LMNB1: variants seen among roughly 807,000 people sequenced by gnomAD.
LMNB1 encodes the protein lamin-B1.
In LMNB1, 23 loss-of-function variants were observed where a neutral mutation model predicts 67.1. The ratio of observed to expected loss-of-function variants is 0.34; its 90% CI spans 0.25 to 0.49. The LOEUF is 0.49. Ranked by LOEUF, LMNB1 falls within the 20% of genes least tolerant of loss-of-function variation. The probability of loss-of-function intolerance (pLI) is 0.99; values close to 1 mark genes in which losing one functional copy is unlikely to be tolerated. For synonymous variants in LMNB1, 281 were observed against 282.9 expected (o/e 0.99, Z 0.07); for missense variants, 634 against 746.5 (o/e 0.85, Z 1.76).
intron 1 of LMNB1, among the ~76,000 whole-genome samples, chr5:126,789,619 A>G (rs532340399): frequency 1.3e-3 from 203 of 152,232 alleles, no homozygotes; most frequent in Non-Finnish European, 2.4e-3. Context: ...GAAATCCTTT[A>G]TTCAGTCCCG....
chr5:126,811,675 C>A, intron 4 of LMNB1, 98 bp from the exon 5 acceptor site: 1 of 1,104,400 alleles, frequency 9.1e-7, no homozygotes, highest in Non-Finnish European at 1.3e-6. Context: ...CTACCAGTTA[C>A]CAGCAGGACT....
chr5:126,834,899 A>G (rs1390280186), intron 10 of LMNB1, among the ~76,000 whole-genome samples: 2 of 152,262 alleles, frequency 1.3e-5, no homozygotes, highest in East Asian at 3.9e-4. Context: ...TAATGCACCA[A>G]CTATATCCGC....
intron 7 of LMNB1, among the ~76,000 whole-genome samples, chr5:126,822,066 T>C (rs1391491630): frequency 6.7e-6 from 1 of 149,720 alleles, no homozygotes; most frequent in Non-Finnish European, 1.5e-5. Flanking sequence ...TGCAGTGGCA[T>C]GATCTTGGCT....
chr5:126,814,471 G>A (rs1036631058), intron 5 of LMNB1, among the ~76,000 whole-genome samples: 3 of 151,620 alleles, frequency 2.0e-5, no homozygotes, highest in African/African-American at 7.3e-5. Context: ...CTGAAACTTA[G>A]TAGCTATGTG....
At chr5:126,792,567 A>AC (rs1750988862) in intron 1 of LMNB1, among the ~76,000 whole-genome samples, 1 of 99,154 alleles carries the variant, frequency 1.0e-5, no homozygotes, top group Admixed American at 1.1e-4. Context: ...AGCACTAGGG[A>AC]TTTTTTTTTT....
At chr5:126,827,030 CCTTTTCACCCAGTTTCCAGGCTGGCAGG>C (rs1355434393) in intron 9 of LMNB1, among the ~76,000 whole-genome samples, 6 of 152,294 alleles carry the variant, frequency 3.9e-5, no homozygotes, top group Non-Finnish European at 2.9e-5. Context: ...CTGATTCTGA[CCTTTTCACCCAGTTTCCAGGCTGGCAGG>C]CTCTGCTGTT....
rs1751008639 is a variant in LMNB1, at chr5:126,793,189, G to C, written c.360-11587G>C. ...TATTTTACACCCAGGTCAGTGCCTA[G>C]CACATTGTAGATGAGTGACAAAGGT... On this transcript the variant is annotated intron_variant, in intron 1 of 10. Transcript: ENST00000261366. 1.3e-5 allele frequency among the ~76,000 whole-genome samples: 2 copies of C among 152,188 alleles called. 1 individual carries two copies. The highest frequency in any genetic ancestry group is 4.1e-4 in the South Asian group (2 of 4,828).
At chr5:126,798,745 T>C (rs1274002133) in intron 1 of LMNB1, among the ~76,000 whole-genome samples, 1 of 141,614 alleles carries the variant, frequency 7.1e-6, no homozygotes, top group African/African-American at 2.6e-5. Context: ...ACATTTTACA[T>C]AGGATGAAAA....
chr5:126,821,188 C>G (rs948326373), intron 7 of LMNB1, 53 bp downstream of exon 7: 2 of 1,180,066 alleles, frequency 1.7e-6, no homozygotes, highest in Admixed American at 1.7e-5. Flanking sequence ...TTGCTAGATT[C>G]TCTTGCAATT....
chr5:126,795,957 A>C (rs1580532972), intron 1 of LMNB1, among the ~76,000 whole-genome samples: 1 of 26,266 alleles, frequency 3.8e-5, no homozygotes, highest in Non-Finnish European at 9.0e-5. Context: ...TTTGAGACGG[A>C]GTTTCACTCT....
intron 1 of LMNB1, among the ~76,000 whole-genome samples, chr5:126,781,670 A>G (rs990300004): frequency 1.3e-5 from 2 of 152,148 alleles, no homozygotes; most frequent in Non-Finnish European, 2.9e-5. Flanking sequence ...TCCTGACCTC[A>G]GGTGATCCAC....
At chr5:126,781,498 C>T (rs868426069) in intron 1 of LMNB1, among the ~76,000 whole-genome samples, 3 of 150,416 alleles carry the variant, frequency 2.0e-5, no homozygotes, top group Non-Finnish European at 4.4e-5. Flanking sequence ...TTTTTTGAGA[C>T]GGAGCTTGGC....
intron 1 of LMNB1, 51 bp from the exon 2 acceptor site, chr5:126,804,725 C>A (rs1056308942): frequency 3.9e-6 from 6 of 1,534,922 alleles, no homozygotes; most frequent in Admixed American, 1.9e-5. Context: ...GGGAGAAGAC[C>A]TCAAGTCATC....
intron 3 of LMNB1, among the ~76,000 whole-genome samples, chr5:126,807,074 G>T (rs1751461410): frequency 6.6e-6 from 1 of 152,162 alleles, no homozygotes; most frequent in African/African-American, 2.4e-5. Flanking sequence ...ACCGTGCCCG[G>T]CTCACTCATG....
intron 1 of LMNB1, among the ~76,000 whole-genome samples, chr5:126,796,786 CTTTT>C (rs34534973): frequency 0.099 from 11,767 of 118,612 alleles, 408 homozygotes; most frequent in African/African-American, 0.17. Flanking sequence ...TTTTTTCTTT[CTTTT>C]TTTTTTTTTT....
intron 9 of LMNB1, among the ~76,000 whole-genome samples, 195 bp downstream of exon 9, chr5:126,826,302 A>G (rs1021906237): frequency 5.3e-5 from 8 of 152,250 alleles, no homozygotes; most frequent in African/African-American, 1.9e-4. Flanking sequence ...GATTATTAGC[A>G]CAGGCTCCAG....
intron 1 of LMNB1, among the ~76,000 whole-genome samples, chr5:126,794,544 G>A (rs1751042480): frequency 6.6e-6 from 1 of 152,216 alleles, no homozygotes; most frequent in African/African-American, 2.4e-5. Context: ...TTGATGCTGA[G>A]CTCTGGGTGT....
intron 1 of LMNB1, among the ~76,000 whole-genome samples, chr5:126,787,547 T>TATATATA (rs869071732): frequency 2.7e-5 from 1 of 37,484 alleles, no homozygotes; most frequent in South Asian, 9.4e-4. Flanking sequence ...TATATATATA[T>TATATATA]TTTTTTTTTT....
At chr5:126,812,718 C>CTTTTTTTTTTTTTTTT (rs11430160) in intron 5 of LMNB1, among the ~76,000 whole-genome samples, 3 of 117,158 alleles carry the variant, frequency 2.6e-5, no homozygotes, top group Non-Finnish European at 3.4e-5. Context: ...CTTTATTTTA[C>CTTTTTTTTTTTTTTTT]TTTTTTTTTT....
Sources: gnomAD v4.1 joint callset for allele counts (sites outside exome capture counted in the v4.1 genomes callset) on GRCh38, gnomAD v4.1.1 for gene constraint, MANE v1.5 for transcripts, NCBI Gene and HGNC (gene_info 2026-07-23, HGNC 2026-07-21) for gene names.